The following SPATS2 variants were observed in gnomAD, a reference collection of about 807,000 sequenced individuals.
SPATS2 encodes spermatogenesis-associated serine-rich protein 2.
Under a neutral mutation model 63.7 loss-of-function variants are expected in SPATS2, and 38 were observed. The ratio of observed to expected loss-of-function variants is 0.60; its 90% CI spans 0.46 to 0.78. The LOEUF is 0.78. Ranked by LOEUF, SPATS2 falls within the 30% of genes least tolerant of loss-of-function variation. The probability of loss-of-function intolerance (pLI) is 0.00; values close to 1 mark genes in which losing one functional copy is unlikely to be tolerated. For synonymous variants in SPATS2, 207 were observed against 232.9 expected (o/e 0.89, Z 1.01); for missense variants, 588 against 666.2 (o/e 0.88, Z 1.29).
chr12:49,494,957 T>C lies in SPATS2; in HGVS notation c.481T>C (p.Leu161=), dbSNP rs781082257. The C allele has an allele frequency of 3.7e-6, 6 of 1,613,852 alleles. No homozygotes were observed. The African/African-American group carries it at 4.0e-5, about 11-fold the overall frequency. ...LETLSIDARE[L]EDPESAMLDT... is the part of the protein sequence containing the mutation. ...GACACTTTCAATAGATGCCAGAGAA[T>C]TGGAGGATCCCGAGTCTGCCATGCT... Residue 161 remains leucine (L), a synonymous_variant, in exon 7 of 14, where the codon TTG becomes CTG. Transcript: ENST00000552918.
intron 9 of SPATS2, among the ~76,000 whole-genome samples, chr12:49,501,448 C>A (rs571258156): frequency 6.6e-6 from 1 of 152,238 alleles, no homozygotes; most frequent in East Asian, 1.9e-4. Flanking sequence ...ATGACCTAAT[C>A]ATCTCTTAAA....
intron 3 of SPATS2, among the ~76,000 whole-genome samples, chr12:49,470,176 C>T (rs1379843645): frequency 5.3e-5 from 8 of 151,944 alleles, no homozygotes; most frequent in South Asian, 2.1e-4. Context: ...GGATTACAGA[C>T]GTCCACCACC....
At chr12:49,459,556 C>G (rs1565732711) in intron 2 of SPATS2, among the ~76,000 whole-genome samples, 2 of 151,722 alleles carry the variant, frequency 1.3e-5, no homozygotes, top group Non-Finnish European at 2.9e-5. Context: ...CCATGTTGGT[C>G]CGGCTGGTCT....
Position 49,526,002 on chromosome 12 carries a change from A to T in SPATS2, c.1385A>T (p.Asn462Ile), listed in dbSNP as rs372639921. ...QGYRPQGQKS[N>I]DPMNQGRHDS... ...TATAGGCCACAAGGCCAAAAGTCCA[A>T]TGACCCCATGAACCAAGGGCGGCAT... is the stretch of plus-strand genomic sequence containing the variant. The change falls in exon 14 of 14, where the codon AAT becomes ATT. Residue 462 changes from asparagine (N) to isoleucine (I), a missense_variant. Physicochemically the swap from Asn to Ile is moderately radical, Grantham distance 149. Transcript: ENST00000552918. 7 of 1,614,174 alleles carry T rather than the reference A, an allele frequency of 4.3e-6. No individual in the cohort carries two copies. Among genetic ancestry groups the T allele is most frequent in the East Asian group, 4.5e-5 (2 of 44,902 alleles).
chr12:49,465,237 ACTT>A (rs1945891765), intron 3 of SPATS2, among the ~76,000 whole-genome samples: 1 of 152,186 alleles, frequency 6.6e-6, no homozygotes, highest in Non-Finnish European at 1.5e-5. Context: ...TTAGGAGTGG[ACTT>A]CTTTAACTTT....
intron 2 of SPATS2, among the ~76,000 whole-genome samples, chr12:49,379,848 C>G (rs887691335): frequency 2.0e-5 from 3 of 152,032 alleles, no homozygotes; most frequent in African/African-American, 7.2e-5. Context: ...GTCTCAAACT[C>G]CTGACCTCAG....
At chr12:49,379,630 T>A (rs566257279) in intron 2 of SPATS2, among the ~76,000 whole-genome samples, 1 of 149,864 alleles carries the variant, frequency 6.7e-6, no homozygotes, top group East Asian at 2.0e-4. Flanking sequence ...TCAATTTTTT[T>A]TTTTTTTTTT....
chr12:49,483,814 AATCACAACCTAC>A (rs1260385661), intron 3 of SPATS2, among the ~76,000 whole-genome samples: 1 of 152,216 alleles, frequency 6.6e-6, no homozygotes, highest in Non-Finnish European at 1.5e-5. Flanking sequence ...CAGACTGCTG[AATCACAACCTAC>A]ATTTTAGCAT....
At chr12:49,439,078 G>C (rs1422376222) in intron 2 of SPATS2, among the ~76,000 whole-genome samples, 2 of 152,222 alleles carry the variant, frequency 1.3e-5, no homozygotes, top group African/African-American at 4.8e-5. Flanking sequence ...GATGATTAGA[G>C]AAGGAATCTC....
chr12:49,383,628 C>T (rs1438906159), intron 2 of SPATS2, among the ~76,000 whole-genome samples: 1 of 152,084 alleles, frequency 6.6e-6, no homozygotes, highest in Non-Finnish European at 1.5e-5. Flanking sequence ...TCTTGAACTC[C>T]TGGACTCAGG....
intron 2 of SPATS2, among the ~76,000 whole-genome samples, chr12:49,425,091 C>T (rs1945050365): frequency 6.6e-6 from 1 of 152,054 alleles, no homozygotes. Context: ...ATTAATTACA[C>T]CCTGTGATAC....
rs772842153 is a variant in SPATS2, at chr12:49,408,552, C to CTT, written c.-244+37282_-244+37283dup. ...ACAGGCTTGAGCCACTGTGCCTGGC[C>CTT]TTTTTTTTTTTTTTTTTTTTTGAGA... On this transcript the variant is annotated intron_variant, in intron 2 of 13. Coordinates refer to ENST00000552918, the MANE Select transcript of SPATS2 (RefSeq NM_023071.4). Among the ~76,000 whole-genome samples, 203 of 116,048 alleles carry CTT rather than the reference C, an allele frequency of 1.7e-3. 5 individuals are homozygous for CTT. The highest frequency in any genetic ancestry group is 4.0e-3 in the African/African-American group (120 of 29,782). The allele number at this position is 116,048 out of a possible 152,430, so 76.1% of individuals were successfully genotyped here.
intron 3 of SPATS2, among the ~76,000 whole-genome samples, chr12:49,471,734 A>T (rs1449805635): frequency 1.3e-5 from 2 of 152,174 alleles, no homozygotes; most frequent in African/African-American, 4.8e-5. Flanking sequence ...AACTGTTTTC[A>T]TATTGTAAAA....
At chr12:49,515,401 C>A (rs1946821843) in intron 10 of SPATS2, among the ~76,000 whole-genome samples, 1 of 152,158 alleles carries the variant, frequency 6.6e-6, no homozygotes, top group Admixed American at 6.5e-5. Context: ...CACCCCCAAA[C>A]TGGTAAGAAT....
chr12:49,458,095 C>T (rs1487817010), intron 2 of SPATS2, among the ~76,000 whole-genome samples: 1 of 152,168 alleles, frequency 6.6e-6, no homozygotes, highest in Non-Finnish European at 1.5e-5. Flanking sequence ...ACTCTCCTTT[C>T]CTTCTTGCAT....
rs1385797066 is a variant in SPATS2, at chr12:49,524,640, G to T, written c.1112-42G>T. ...AAGTAGAAACCTTATCCATTGTGCT[G>T]TTCTATCATATGATCATATATTCCT... is the stretch of plus-strand genomic sequence containing the variant. On this transcript the variant is annotated intron_variant, in intron 12 of 13. Coordinates refer to ENST00000552918, the MANE Select transcript of SPATS2 (RefSeq NM_023071.4). The T allele has an allele frequency of 1.9e-6, 3 of 1,593,034 alleles. No homozygotes were observed. In the South Asian group the frequency reaches 3.3e-5, roughly 18 times the overall value.
At chr12:49,441,468 C>T (rs772509795) in intron 2 of SPATS2, among the ~76,000 whole-genome samples, 7 of 152,114 alleles carry the variant, frequency 4.6e-5, no homozygotes, top group Non-Finnish European at 1.0e-4. Context: ...GGCTGTCTTC[C>T]CCCTCTTTTA....
At chr12:49,459,916 A>T (rs1232877880) in intron 2 of SPATS2, among the ~76,000 whole-genome samples, 7 of 140,870 alleles carry the variant, frequency 5.0e-5, no homozygotes, top group African/African-American at 1.9e-4. Context: ...AGCCTGGCCA[A>T]TATGGTGAAA....
At chr12:49,509,031 T>C (rs943377174) in intron 9 of SPATS2, among the ~76,000 whole-genome samples, 2 of 151,788 alleles carry the variant, frequency 1.3e-5, no homozygotes, top group African/African-American at 4.8e-5. Flanking sequence ...GCCACTGCAC[T>C]CTGGCCTGGG....
Sources: allele counts gnomAD v4.1 joint callset (sites outside exome capture counted in the v4.1 genomes callset), GRCh38; gene constraint gnomAD v4.1.1; transcripts MANE v1.5; gene names NCBI Gene and HGNC (gene_info 2026-07-23, HGNC 2026-07-21).